Variants in ATP8B1 observed in about 807,000 individuals in gnomAD.
The protein encoded by ATP8B1 is ATPase phospholipid transporting 8B1, also known as phospholipid-transporting ATPase IC.
Under a neutral mutation model 149.9 loss-of-function variants are expected in ATP8B1, and 80 were observed. That is an observed-to-expected ratio of 0.53 (90% CI 0.45 to 0.64). ATP8B1 has a LOEUF of 0.64. Among genes scored for constraint, ATP8B1 ranks in the 30% least tolerant of loss-of-function variants. The pLI, the probability that ATP8B1 is intolerant of heterozygous loss-of-function variation, is 0.00. For synonymous variants in ATP8B1, 536 were observed against 562.8 expected (o/e 0.95, Z 0.67); for missense variants, 1,247 against 1,552.6 (o/e 0.80, Z 3.31).
intron 3 of ATP8B1, among the ~76,000 whole-genome samples, chr18:57,705,573 C>A (rs1180633706): frequency 1.3e-5 from 2 of 152,088 alleles, no homozygotes; most frequent in Non-Finnish European, 2.9e-5. Context: ...AGGAAGAGTG[C>A]CCCTTGAAGA....
At chr18:57,726,122 G>T (rs1220706036) in intron 2 of ATP8B1, among the ~76,000 whole-genome samples, 4 of 152,170 alleles carry the variant, frequency 2.6e-5, no homozygotes, top group Admixed American at 2.6e-4. Context: ...CAGCTACTCG[G>T]GAGGCTGAGG....
chr18:57,712,113 G>A (rs1358545966), intron 2 of ATP8B1, among the ~76,000 whole-genome samples: 1 of 151,186 alleles, frequency 6.6e-6, no homozygotes, highest in Non-Finnish European at 1.5e-5. Flanking sequence ...AAGCTCGCAC[G>A]AATTGTAATT....
At chr18:57,759,146 A>T (rs2080118117) in intron 1 of ATP8B1, among the ~76,000 whole-genome samples, 1 of 132,078 alleles carries the variant, frequency 7.6e-6, no homozygotes. Context: ...ACAGAACGAG[A>T]TTCCATCTCA....
chr18:57,761,011 A>G (rs2080146140), intron 1 of ATP8B1, among the ~76,000 whole-genome samples: 1 of 125,118 alleles, frequency 8.0e-6, no homozygotes, highest in South Asian at 2.7e-4. Flanking sequence ...ATAAAATAAA[A>G]TAACATAAAA....
intron 12 of ATP8B1, 171 bp from the exon 13 acceptor site, chr18:57,688,678 G>C: frequency 1.4e-6 from 1 of 698,756 alleles, no homozygotes; most frequent in Non-Finnish European, 2.5e-6. Context: ...CAATTCAACA[G>C]TATTGAGGTG....
At chr18:57,770,567 C>T (rs995319986) in intron 1 of ATP8B1, among the ~76,000 whole-genome samples, 6 of 152,198 alleles carry the variant, frequency 3.9e-5, no homozygotes, top group Non-Finnish European at 8.8e-5. Context: ...CCCCTGGAGC[C>T]AAATTGTTGA....
In ATP8B1 at chr18:57,646,610, C is replaced by T. The variant is rs1157026269; in HGVS notation, c.*1878G>A. The T allele has an allele frequency of 3.9e-5, 6 of 152,484 alleles. No individual in the cohort carries two copies. The highest frequency in any genetic ancestry group is 3.9e-4 in the Admixed American group (6 of 15,266). 9.4% of individuals were successfully genotyped at this position (152,484 alleles called of 1,614,324 possible). On this transcript the variant is annotated 3_prime_UTR_variant, in exon 28 of 28. Transcript: ENST00000648908. ...ACACATTTGCATTGTCAATCTTTCC[C>T]ACAATTTGCAAAAACAGGAGAGAAA...
chr18:57,709,339 G>A (rs1295161218), intron 2 of ATP8B1, among the ~76,000 whole-genome samples: 2 of 152,184 alleles, frequency 1.3e-5, no homozygotes, highest in Admixed American at 6.5e-5. Context: ...TAAAGGCTGT[G>A]AGAAGTCCTG....
chr18:57,648,853 T>TGG, intron 27 of ATP8B1, 141 bp from the exon 28 acceptor site: 1 of 374,980 alleles, frequency 2.7e-6, no homozygotes, highest in Non-Finnish European at 4.9e-6. Context: ...TGTCCCCACT[T>TGG]GTGTGTGTGT....
chr18:57,794,085 T>C (rs1177473757), intron 1 of ATP8B1, among the ~76,000 whole-genome samples: 1 of 152,148 alleles, frequency 6.6e-6, no homozygotes, highest in African/African-American at 2.4e-5. Flanking sequence ...TGGCATTAAA[T>C]AGGAAAGTGG....
intron 1 of ATP8B1, among the ~76,000 whole-genome samples, chr18:57,790,469 C>CATGTCACA: frequency 1.3e-5 from 2 of 152,156 alleles, no homozygotes; most frequent in Admixed American, 1.3e-4. Flanking sequence ...CCCATGGTAG[C>CATGTCACA]CCCAGCATCA....
rs1909700339 is a variant in ATP8B1, at chr18:57,652,615, A to G, written c.3130T>C (p.Ser1044Pro). ...FVSLLHGVLT[S>P]MILFFIPLGA... is the part of the protein sequence containing the mutation. ...AGAGGTATGAAGAAGAGGATCATCG[A>G]TGTTAGGACCCCATGCAACAAGCTT... Residue 1044 changes from serine (S) to proline (P), a missense_variant, in exon 25 of 28, where the codon TCG becomes CCG. Ser to Pro is a moderately conservative substitution (Grantham distance 74, BLOSUM62 -1). This residue lies in a region of ATP8B1 where 230 missense variants were observed against 356.6 expected (regional missense o/e 0.65). Coordinates refer to ENST00000648908, the MANE Select transcript of ATP8B1 (RefSeq NM_001374385.1). 6.2e-7 allele frequency: 1 copy of G among 1,614,186 alleles called. No homozygotes were observed. The highest frequency in any genetic ancestry group is 8.5e-7 in the Non-Finnish European group (1 of 1,180,036).
At chr18:57,740,569 C>CTTTTTTTT (rs34842587) in intron 1 of ATP8B1, 1 of 125,412 alleles carries the variant, frequency 8.0e-6, no homozygotes. Context: ...TTTTTTCTTC[C>CTTTTTTTT]TTTTTTTTTT....
chr18:57,675,908 T>C (rs577159793), intron 15 of ATP8B1, among the ~76,000 whole-genome samples: 1 of 152,268 alleles, frequency 6.6e-6, no homozygotes, highest in Non-Finnish European at 1.5e-5. Context: ...GGTTTCACCA[T>C]GTTGCTCAGG....
chr18:57,685,190 A>C (rs1453401179), intron 13 of ATP8B1, 75 bp from the exon 14 acceptor site: 2 of 1,523,914 alleles, frequency 1.3e-6, no homozygotes, highest in Non-Finnish European at 1.8e-6. Flanking sequence ...GGCTTTGCTT[A>C]TATAGTGATG....
intron 1 of ATP8B1, among the ~76,000 whole-genome samples, chr18:57,746,882 G>C (rs2079969263): frequency 6.6e-6 from 1 of 152,170 alleles, no homozygotes; most frequent in Non-Finnish European, 1.5e-5. Context: ...ATGGTGCATG[G>C]AAGTGAGCTC....
chr18:57,718,486 A>G (rs2079606716), intron 2 of ATP8B1, among the ~76,000 whole-genome samples: 1 of 152,226 alleles, frequency 6.6e-6, no homozygotes, highest in African/African-American at 2.4e-5. Context: ...ACAGGAGGAA[A>G]TACTTCCAAA....
chr18:57,661,165 A>G lies in ATP8B1; in HGVS notation c.2707+9T>C, dbSNP rs758888388. On this transcript the variant is annotated intron_variant, in intron 22 of 27. Transcript: ENST00000648908. ...GTTGGGCCTCACTGGCCGTGGGTGC[A>G]TGACTCACTTTTGATCATGTTCACG... The G allele has an allele frequency of 3.7e-6, 6 of 1,613,112 alleles. No individual in the cohort carries two copies. The highest frequency in any genetic ancestry group is 2.2e-5 in the East Asian group (1 of 44,860).
chr18:57,668,548 G>A lies in ATP8B1; in HGVS notation c.2098-8C>T, dbSNP rs760234607. On this transcript the variant is annotated splice_region_variant and splice_polypyrimidine_tract_variant and intron_variant, in intron 18 of 27. Coordinates refer to ENST00000648908, the MANE Select transcript of ATP8B1 (RefSeq NM_001374385.1). ...AGCTGTAGCTCCCAGGAGCTAGAAT[G>A]TATATTAAAAAAAAAAAAAAAAGGA... The A allele has an allele frequency of 2.7e-6, 1 of 368,252 alleles. No individual in the cohort carries two copies. The highest frequency in any genetic ancestry group is 4.3e-6 in the Non-Finnish European group (1 of 233,810). The allele number at this position is 368,252 out of a possible 1,614,324, so 22.8% of individuals were successfully genotyped here.
Sources: gnomAD v4.1 joint callset for allele counts (sites outside exome capture counted in the v4.1 genomes callset) on GRCh38, gnomAD v4.1.1 for gene constraint, gnomAD v4.1.1 regional missense constraint, MANE v1.5 for transcripts, NCBI Gene and HGNC (gene_info 2026-07-23, HGNC 2026-07-21) for gene names.